Variants in PRMT3 observed in about 807,000 individuals in gnomAD.
The protein encoded by PRMT3 is protein arginine N-methyltransferase 3.
A neutral mutation model predicts 71.9 loss-of-function variants in PRMT3; 62 were observed. The observed-to-expected ratio is 0.86, with a 90% CI of 0.70 to 1.07. The LOEUF is 1.07. Ranked by LOEUF, PRMT3 falls within the 50% of genes least tolerant of loss-of-function variation. The pLI is 0.00. For missense variants in PRMT3, 663 were observed against 643.0 expected, an observed-to-expected ratio of 1.03 and a Z score of -0.34; for synonymous variants, 213 against 220.4, an observed-to-expected ratio of 0.97 and a Z score of 0.30.
At chr11:20,432,159 A>C (rs951461850) in intron 10 of PRMT3, among the ~76,000 whole-genome samples, 5 of 152,132 alleles carry the variant, frequency 3.3e-5, no homozygotes, top group Non-Finnish European at 7.4e-5. Flanking sequence ...TATTCTAATC[A>C]TGAATATTAA....
intron 15 of PRMT3, among the ~76,000 whole-genome samples, chr11:20,494,634 A>G (rs1851292401): frequency 6.6e-6 from 1 of 152,178 alleles, no homozygotes; most frequent in Non-Finnish European, 1.5e-5. Flanking sequence ...CCTGCACAAT[A>G]TATTTGAAGC....
At chr11:20,485,427 C>CG (rs1235932148) in intron 13 of PRMT3, among the ~76,000 whole-genome samples, 1 of 152,006 alleles carries the variant, frequency 6.6e-6, no homozygotes, top group East Asian at 1.9e-4. Flanking sequence ...TTATAGCAGA[C>CG]ATAGGTTTTG....
At chr11:20,445,474 T>C (rs892351071) in intron 10 of PRMT3, among the ~76,000 whole-genome samples, 8 of 152,120 alleles carry the variant, frequency 5.3e-5, no homozygotes, top group Non-Finnish European at 5.9e-5. Flanking sequence ...TTCTTTTTGC[T>C]TTCACCCACG....
intron 15 of PRMT3, among the ~76,000 whole-genome samples, chr11:20,504,707 T>TGTGTGTGTGTGAGAGAGAGAGAGAGA (rs1332372470): frequency 7.5e-6 from 1 of 133,590 alleles, no homozygotes; most frequent in African/African-American, 3.0e-5. Flanking sequence ...TGTGTGTGTG[T>TGTGTGTGTGTGAGAGAGAGAGAGAGA]GAGAGAGAGA....
At chr11:20,458,324 T>C (rs2133395845) in intron 11 of PRMT3, among the ~76,000 whole-genome samples, 1 of 152,310 alleles carries the variant, frequency 6.6e-6, no homozygotes, top group East Asian at 1.9e-4. Context: ...TCTTATCCTT[T>C]AGTGTCCAAA....
At chr11:20,454,160 A>AT (rs1244047552) in intron 11 of PRMT3, among the ~76,000 whole-genome samples, 4 of 152,024 alleles carry the variant, frequency 2.6e-5, no homozygotes, top group African/African-American at 7.2e-5. Context: ...CTAAACCATG[A>AT]TTTTTTTTAA....
At chr11:20,402,781 A>T in intron 7 of PRMT3, 138 bp from the exon 8 acceptor site, 4 of 568,242 alleles carry the variant, frequency 7.0e-6, no homozygotes, top group Middle Eastern at 3.4e-4. Flanking sequence ...TTCTTAGGAA[A>T]AAAATAAGCT....
chr11:20,460,677 T>C (rs1054906926), intron 11 of PRMT3, among the ~76,000 whole-genome samples: 6 of 152,352 alleles, frequency 3.9e-5, no homozygotes, highest in South Asian at 4.1e-4. Flanking sequence ...CATTTTTATT[T>C]GTTTATCTCT....
chr11:20,408,857 G>T (rs560961387), intron 9 of PRMT3, among the ~76,000 whole-genome samples: 5 of 152,114 alleles, frequency 3.3e-5, no homozygotes, highest in South Asian at 2.1e-4. Context: ...ACTTTGGGAG[G>T]CTGAGGTGAA....
chr11:20,430,939 GA>G (rs1477451243), intron 10 of PRMT3, among the ~76,000 whole-genome samples: 1 of 152,100 alleles, frequency 6.6e-6, no homozygotes, highest in Admixed American at 6.5e-5. Flanking sequence ...TCTACCAATA[GA>G]AGTTCTTGTT....
At chr11:20,463,298 G>A (rs996032733) in intron 12 of PRMT3, among the ~76,000 whole-genome samples, 3 of 152,178 alleles carry the variant, frequency 2.0e-5, no homozygotes, top group South Asian at 2.1e-4. Context: ...TTAAAAGTGC[G>A]TTCAGCTTTT....
chr11:20,492,125 CTG>C (rs1038880370), intron 13 of PRMT3, among the ~76,000 whole-genome samples: 1 of 152,162 alleles, frequency 6.6e-6, no homozygotes, highest in Non-Finnish European at 1.5e-5. Flanking sequence ...ATAAGGCAAA[CTG>C]TAATATACTA....
chr11:20,468,286 T>TAA (rs1850559001), intron 13 of PRMT3, among the ~76,000 whole-genome samples: 2 of 152,200 alleles, frequency 1.3e-5, no homozygotes, highest in African/African-American at 4.8e-5. Context: ...AGCTACTAAT[T>TAA]AAAGTGGAGA....
intron 13 of PRMT3, among the ~76,000 whole-genome samples, chr11:20,474,025 C>T (rs1169603014): frequency 6.6e-6 from 1 of 152,128 alleles, no homozygotes; most frequent in African/African-American, 2.4e-5. Flanking sequence ...GTGAAGGCTG[C>T]AAAACAGCAA....
intron 3 of PRMT3, among the ~76,000 whole-genome samples, chr11:20,390,928 T>C (rs936893914): frequency 5.9e-5 from 9 of 152,094 alleles, no homozygotes; most frequent in African/African-American, 1.9e-4. Context: ...CATGTGCCTG[T>C]AGTCCCAGCT....
intron 13 of PRMT3, among the ~76,000 whole-genome samples, chr11:20,485,698 A>G (rs1177895567): frequency 6.6e-6 from 1 of 152,216 alleles, no homozygotes; most frequent in Non-Finnish European, 1.5e-5. Flanking sequence ...CGTAGATACA[A>G]GAAAAGGTCT....
intron 10 of PRMT3, among the ~76,000 whole-genome samples, chr11:20,438,469 G>T (rs975185504): frequency 6.6e-6 from 1 of 152,056 alleles, no homozygotes; most frequent in African/African-American, 2.4e-5. Context: ...CAAGGAAAGG[G>T]GTGTCTCTGC....
chr11:20,479,718 G>A (rs1265599839), intron 13 of PRMT3, among the ~76,000 whole-genome samples: 4 of 152,034 alleles, frequency 2.6e-5, no homozygotes, highest in East Asian at 3.9e-4. Flanking sequence ...TAAGAGTGAC[G>A]AGGCAAAAGT....
At chr11:20,423,873 T>TAAAAAAAAAAAAAA (rs58636447) in intron 9 of PRMT3, among the ~76,000 whole-genome samples, 2 of 27,116 alleles carry the variant, frequency 7.4e-5, no homozygotes, top group African/African-American at 1.1e-4. Flanking sequence ...GATTCTCTCT[T>TAAAAAAAAAAAAAA]AAAAAAAAAA....
Sources: gnomAD v4.1 joint callset for allele counts (sites outside exome capture counted in the v4.1 genomes callset) on GRCh38, gnomAD v4.1.1 for gene constraint, MANE v1.5 for transcripts, NCBI Gene and HGNC (gene_info 2026-07-23, HGNC 2026-07-21) for gene names.